The following GPR39 variants were observed in gnomAD, a reference collection of about 807,000 sequenced individuals.
GPR39 encodes the protein zinc sensing receptor.
GPR39 carries 23 observed loss-of-function variants against 18.4 expected under a neutral mutation model. The observed-to-expected ratio is 1.25, with a 90% CI of 0.90 to 1.77. GPR39 has a LOEUF of 1.77. GPR39 is among the 40% of genes most tolerant of loss of function. The pLI is 0.00. For synonymous variants in GPR39, 280 were observed against 257.9 expected (o/e 1.09, Z -0.82); for missense variants, 647 against 602.4 (o/e 1.07, Z -0.78).
intron 1 of GPR39, among the ~76,000 whole-genome samples, chr2:132,426,532 T>C (rs1386652975): frequency 1.3e-5 from 2 of 152,226 alleles, no homozygotes; most frequent in Admixed American, 6.5e-5. Flanking sequence ...GAGATGCCTG[T>C]ACCCCTCATC....
rs139376020 is a variant in GPR39 at position 132,426,155 on chromosome 2, T to A, written c.856+8257T>A. On this transcript the variant is annotated intron_variant, in intron 1 of 1. Transcript: ENST00000329321. Reference sequence around the variant, plus strand: ...AGCTTCTCTTTGAAAAGTCTCACCTTCCAAGAATTGCCTTTGGCCCAGCCA... The same window carrying A: ...AGCTTCTCTTTGAAAAGTCTCACCTACCAAGAATTGCCTTTGGCCCAGCCA... Among the ~76,000 whole-genome samples the A allele has an allele frequency of 1.3e-3, 200 of 152,314 alleles. 3 individuals carry two copies. Among genetic ancestry groups the A allele is most frequent in the African/African-American group, 4.7e-3 (194 of 41,570 alleles).
At position 132,538,679 on chromosome 2, in the gene GPR39, C is replaced by T. The variant is rs762460942; in HGVS notation, c.857-106422C>T. Among the ~76,000 whole-genome samples the T allele has an allele frequency of 7.2e-5, 11 of 152,230 alleles. No homozygotes were observed. The South Asian group carries it at 8.3e-4, about 11-fold the overall frequency. On this transcript the variant is annotated intron_variant, in intron 1 of 1. Transcript: ENST00000329321. ...CTGTGACAGCACCCATCCCTCCCCC[C>T]GGGTGCTCTGTCCCAGGGAGATGAG...
intron 1 of GPR39, among the ~76,000 whole-genome samples, chr2:132,485,154 C>A (rs1035735105): frequency 6.6e-6 from 1 of 152,196 alleles, no homozygotes; most frequent in African/African-American, 2.4e-5. Flanking sequence ...TTTGGTTTCC[C>A]AGTGCATATA....
chr2:132,430,383 G>A (rs1290996570), intron 1 of GPR39, among the ~76,000 whole-genome samples: 2 of 152,282 alleles, frequency 1.3e-5, no homozygotes, highest in Admixed American at 1.3e-4. Flanking sequence ...GGGTGGCTGG[G>A]GAGACCTTGA....
intron 1 of GPR39, among the ~76,000 whole-genome samples, chr2:132,624,292 T>A (rs371440088): frequency 3.9e-5 from 6 of 152,172 alleles, no homozygotes; most frequent in Non-Finnish European, 8.8e-5. Flanking sequence ...CATATTAGAT[T>A]GGGGCTCATT....
intron 1 of GPR39, among the ~76,000 whole-genome samples, chr2:132,631,849 T>A (rs1189628121): frequency 6.6e-6 from 1 of 150,762 alleles, no homozygotes; most frequent in East Asian, 1.9e-4. Context: ...CTGAGACTGA[T>A]TCTCAATCTG....
intron 1 of GPR39, among the ~76,000 whole-genome samples, chr2:132,434,506 G>C (rs1413944388): frequency 6.6e-6 from 1 of 152,138 alleles, no homozygotes. Context: ...AGCCCCATGA[G>C]GTCAACACTG....
chr2:132,471,998 A>G (rs141194731), intron 1 of GPR39, among the ~76,000 whole-genome samples: 1 of 152,274 alleles, frequency 6.6e-6, no homozygotes, highest in East Asian at 1.9e-4. Flanking sequence ...ACCTGCCACC[A>G]GGTTGGTCTT....
Position 132,417,600 on chromosome 2 carries a change from C to T in GPR39, c.558C>T (p.His186=), listed in dbSNP as rs761871193. 8 of 1,614,126 alleles carry T rather than the reference C, an allele frequency of 5.0e-6. No homozygotes were observed. Among genetic ancestry groups the T allele is most frequent in the Non-Finnish European group, 6.8e-6 (8 of 1,180,012 alleles). Residue 186 remains histidine, a synonymous_variant, in exon 1 of 2, where the codon CAC becomes CAT. Transcript: ENST00000329321. ...ACCCCCTGGTGAACGTGCCCAGCCA[C>T]CGGGGTCTCACTTGCAACCGCTCCA... The part of the protein sequence containing the change: ...TEYPLVNVPS[H]RGLTCNRSST...
chr2:132,554,302 G>C (rs746049368), intron 1 of GPR39, among the ~76,000 whole-genome samples: 3 of 152,186 alleles, frequency 2.0e-5, no homozygotes, highest in Non-Finnish European at 2.9e-5. Context: ...GATAGCAAAG[G>C]CTTTTCTGAG....
intron 1 of GPR39, among the ~76,000 whole-genome samples, chr2:132,468,848 G>T (rs1353620473): frequency 1.3e-5 from 2 of 152,136 alleles, no homozygotes; most frequent in Non-Finnish European, 2.9e-5. Context: ...AGGAGGCAGG[G>T]TGACCTTTGC....
rs1340260747 is a variant in GPR39, at chr2:132,646,429, C to T, written c.*823C>T. 2.3e-6 allele frequency: 1 copy of T among 429,566 alleles called. No homozygotes were observed. Among genetic ancestry groups the T allele is most frequent in the Non-Finnish European group, 4.1e-6 (1 of 244,632 alleles). 26.6% of individuals were successfully genotyped at this position (429,566 alleles called of 1,614,324 possible). A position where few individuals can be genotyped will look rare whatever the true frequency, so the allele number is the denominator to read the frequency against. On this transcript the variant is annotated 3_prime_UTR_variant, in exon 2 of 2. Coordinates refer to ENST00000329321, the MANE Select transcript of GPR39 (RefSeq NM_001508.3). ...GTCAGGGAAGTGCTTCGGATTGTCT[C>T]ATTGATATTCAAGATAGATGGTGAA... is the stretch of plus-strand genomic sequence containing the variant.
chr2:132,636,483 C>T (rs1298282282), intron 1 of GPR39, among the ~76,000 whole-genome samples: 1 of 152,220 alleles, frequency 6.6e-6, no homozygotes, highest in Non-Finnish European at 1.5e-5. Flanking sequence ...AATGCCCATG[C>T]AGGAGAGACC....
At chr2:132,452,812 CT>C (rs140076838) in intron 1 of GPR39, among the ~76,000 whole-genome samples, 75,897 of 151,624 alleles carry the variant, frequency 0.5, 20,770 homozygotes, top group Non-Finnish European at 0.62. Context: ...TGAACTCATT[CT>C]TTTTTTATGG....
chr2:132,499,900 C>T (rs13021077), intron 1 of GPR39, among the ~76,000 whole-genome samples: 68,193 of 151,484 alleles, frequency 0.45, 16,041 homozygotes, highest in Non-Finnish European at 0.51. Flanking sequence ...TGTTGGTGTA[C>T]AGCAGAGCTA....
At chr2:132,514,268 G>C (rs1679291074) in intron 1 of GPR39, among the ~76,000 whole-genome samples, 1 of 152,080 alleles carries the variant, frequency 6.6e-6, no homozygotes, top group Non-Finnish European at 1.5e-5. Flanking sequence ...CCTTTGTCCT[G>C]TCTCTCCATG....
In GPR39 at chr2:132,475,458, C is replaced by T. The variant is rs72847392; in HGVS notation, c.856+57560C>T. ...GCACCTATTTCCAATAATATCAGTA[C>T]GTGATCTTTCGACAAGTTGATTGAG... On this transcript the variant is annotated intron_variant, in intron 1 of 1. Transcript: ENST00000329321. Among the ~76,000 whole-genome samples, 1,108 of 152,010 alleles carry T rather than the reference C, an allele frequency of 7.3e-3. 5 individuals are homozygous for T. The highest frequency in any genetic ancestry group is 0.012 in the Non-Finnish European group (809 of 67,986).
intron 1 of GPR39, among the ~76,000 whole-genome samples, chr2:132,492,456 A>C (rs1156676219): frequency 7.1e-6 from 1 of 141,750 alleles, no homozygotes; most frequent in Non-Finnish European, 1.5e-5. Context: ...ATATATACAC[A>C]CCATATATAC....
rs115662480 is a variant in GPR39 at position 132,524,499 on chromosome 2, C to G, written c.856+106601C>G. 8.7e-3 allele frequency among the ~76,000 whole-genome samples: 1,325 copies of G among 152,310 alleles called. 19 individuals are homozygous for G. Among genetic ancestry groups the G allele is most frequent in the African/African-American group, 0.03 (1,257 of 41,566 alleles). ...GAGTGGGGACAAGCAACAACCTGCA[C>G]TTTGCCATTGATCAGCTTTTCTCTG... On this transcript the variant is annotated intron_variant, in intron 1 of 1. Coordinates refer to ENST00000329321, the MANE Select transcript of GPR39 (RefSeq NM_001508.3).
Sources: gnomAD v4.1 joint callset for allele counts (sites outside exome capture counted in the v4.1 genomes callset) on GRCh38, gnomAD v4.1.1 for gene constraint, MANE v1.5 for transcripts, NCBI Gene and HGNC (gene_info 2026-07-23, HGNC 2026-07-21) for gene names.